The following LCP1 variants were observed in gnomAD, a reference collection of about 807,000 sequenced individuals.
LCP1 encodes lymphocyte cytosolic protein 1, also known as plastin-2.
A neutral mutation model predicts 72.0 loss-of-function variants in LCP1; 23 were observed. The ratio of observed to expected loss-of-function variants is 0.32; its 90% CI spans 0.23 to 0.45. LCP1 has a LOEUF of 0.45. Ranked by LOEUF, LCP1 falls within the 20% of genes least tolerant of loss-of-function variation. The pLI is 1.00. For missense variants in LCP1, 571 were observed against 748.3 expected (o/e 0.76, Z 2.76); for synonymous variants, 245 against 275.4 (o/e 0.89, Z 1.09).
rs761412346 is a variant in LCP1, at chr13:46,154,854, A to T, written c.524T>A (p.Ile175Asn). Residue 175 changes from isoleucine (I) to asparagine (N), a missense_variant, in exon 6 of 16, where the codon ATT (isoleucine) becomes AAT (asparagine). Coordinates refer to ENST00000323076, the MANE Select transcript of LCP1 (RefSeq NM_002298.5). The part of the protein sequence containing the change: ...KMINLSVPDT[I>N]DERTINKKKL... ...CTTTTTGTTGATTGTTCTTTCATCA[A>T]TTGTGTCTGGCACTGACAGGTTGAT... 3 of 1,614,030 alleles carry T rather than the reference A, an allele frequency of 1.9e-6. No homozygotes were observed. Among genetic ancestry groups the T allele is most frequent in the Non-Finnish European group, 2.5e-6 (3 of 1,179,978 alleles).
intron 1 of LCP1, among the ~76,000 whole-genome samples, chr13:46,178,023 C>A (rs1413806895): frequency 6.6e-6 from 1 of 151,776 alleles, no homozygotes; most frequent in East Asian, 1.9e-4. Flanking sequence ...CCATGGTTTG[C>A]TACCTGTTTA....
At chr13:46,153,187 C>T in intron 6 of LCP1, 1 of 345,046 alleles carries the variant, frequency 2.9e-6, no homozygotes, top group South Asian at 4.7e-5. Flanking sequence ...AAGTTGAAGG[C>T]CCATTCTGGT....
chr13:46,152,676 T>G (rs981734904), intron 7 of LCP1, 104 bp downstream of exon 7: 5 of 1,120,996 alleles, frequency 4.5e-6, no homozygotes, highest in Non-Finnish European at 6.4e-6. Context: ...TATAACTGTG[T>G]AGTTTTCAAA....
chr13:46,128,467 G>A (rs7323698), intron 15 of LCP1, among the ~76,000 whole-genome samples: 141,013 of 151,706 alleles, frequency 0.93, 65,555 homozygotes, highest in South Asian at 0.97. Context: ...GCGTGGTGGC[G>A]TGCGCCTGTA....
intron 1 of LCP1, among the ~76,000 whole-genome samples, chr13:46,175,614 A>AG (rs963420813): frequency 6.6e-6 from 1 of 152,182 alleles, no homozygotes; most frequent in Non-Finnish European, 1.5e-5. Flanking sequence ...ATCACCAGGT[A>AG]GATGAAGTAT....
intron 13 of LCP1, among the ~76,000 whole-genome samples, chr13:46,135,997 C>T (rs2045662746): frequency 6.6e-6 from 1 of 151,966 alleles, no homozygotes; most frequent in Admixed American, 6.5e-5. Context: ...AGGCCCTTTA[C>T]AATTTGGCTC....
intron 13 of LCP1, among the ~76,000 whole-genome samples, chr13:46,139,135 G>A (rs1036244361): frequency 1.3e-5 from 2 of 152,164 alleles, no homozygotes; most frequent in Non-Finnish European, 2.9e-5. Context: ...AATATCATCT[G>A]GAAATACACT....
chr13:46,147,504 T>C (rs1566438149), intron 9 of LCP1, among the ~76,000 whole-genome samples: 1 of 152,254 alleles, frequency 6.6e-6, no homozygotes, highest in Non-Finnish European at 1.5e-5. Context: ...TATTAATTTA[T>C]ATTCCCATAA....
chr13:46,150,629 C>T (rs182893369), intron 8 of LCP1, among the ~76,000 whole-genome samples: 3 of 152,314 alleles, frequency 2.0e-5, no homozygotes, highest in Non-Finnish European at 4.4e-5. Flanking sequence ...TACAGACCTA[C>T]ATATATTCCC....
At chr13:46,157,515 G>A (rs1311921077) in intron 4 of LCP1, among the ~76,000 whole-genome samples, 1 of 152,078 alleles carries the variant, frequency 6.6e-6, no homozygotes, top group African/African-American at 2.4e-5. Context: ...TGTCTTCACA[G>A]CCTAGCACTA....
At chr13:46,142,670 A>T in intron 12 of LCP1, 1 of 568,344 alleles carries the variant, frequency 1.8e-6, no homozygotes, top group Non-Finnish European at 3.3e-6. Flanking sequence ...ATTACTATGA[A>T]TATGTTCACA....
chr13:46,171,326 C>T (rs370581349), intron 1 of LCP1, among the ~76,000 whole-genome samples: 2 of 152,274 alleles, frequency 1.3e-5, no homozygotes, highest in Non-Finnish European at 2.9e-5. Flanking sequence ...TCCCTGCCAT[C>T]CTTTGGGGTT....
chr13:46,178,685 G>A (rs1281434284), intron 1 of LCP1, among the ~76,000 whole-genome samples: 1 of 152,082 alleles, frequency 6.6e-6, no homozygotes, highest in Non-Finnish European at 1.5e-5. Context: ...TCAGTATACA[G>A]ATGAAATAGT....
intron 10 of LCP1, among the ~76,000 whole-genome samples, chr13:46,146,148 C>G (rs1468071821): frequency 6.6e-6 from 1 of 152,072 alleles, no homozygotes; most frequent in Non-Finnish European, 1.5e-5. Context: ...AACCCCCTGA[C>G]CATAATTCAG....
intron 1 of LCP1, among the ~76,000 whole-genome samples, chr13:46,180,808 C>T (rs1346451588): frequency 6.6e-6 from 1 of 152,040 alleles, no homozygotes. Context: ...TTATTTTATT[C>T]TCATTAATAG....
rs148476191 is a variant in LCP1 at position 46,134,113 on chromosome 13, A to G, written c.1626+14T>C. On this transcript the variant is annotated intron_variant, in intron 14 of 15. Coordinates refer to ENST00000323076, the MANE Select transcript of LCP1 (RefSeq NM_002298.5). The stretch of plus-strand genomic sequence containing the variant: ...GAGCTCAGATGGCCTCTAGCAGAAG[A>G]CAAAGAATTTTACCTTGAAACTAGA... The G allele has an allele frequency of 5.6e-6, 9 of 1,613,136 alleles. No homozygotes were observed. In the East Asian group the frequency reaches 2.0e-4, roughly 36 times the overall value.
intron 5 of LCP1, 136 bp downstream of exon 5, chr13:46,156,302 C>T (rs1397800081): frequency 1.2e-5 from 11 of 923,014 alleles, no homozygotes; most frequent in Non-Finnish European, 1.8e-5. Context: ...CTGGACCTGG[C>T]CAAGTGAAAG....
intron 8 of LCP1, among the ~76,000 whole-genome samples, chr13:46,149,195 T>C (rs926653910): frequency 1.7e-4 from 26 of 152,232 alleles, no homozygotes; most frequent in Admixed American, 1.7e-3. Context: ...TCTCAATTTC[T>C]CATAAAGATC....
chr13:46,162,624 T>C (rs1487653292), intron 1 of LCP1, among the ~76,000 whole-genome samples: 1 of 151,964 alleles, frequency 6.6e-6, no homozygotes, highest in East Asian at 1.9e-4. Flanking sequence ...CAGGCTGGAG[T>C]GCAGTGGCGT....
Sources: gnomAD v4.1 joint callset for allele counts (sites outside exome capture counted in the v4.1 genomes callset) on GRCh38, gnomAD v4.1.1 for gene constraint, MANE v1.5 for transcripts, NCBI Gene and HGNC (gene_info 2026-07-23, HGNC 2026-07-21) for gene names.